The following TTLL5 variants were observed in gnomAD, a reference collection of about 807,000 sequenced individuals.
The protein encoded by TTLL5 is tubulin polyglutamylase TTLL5.
In TTLL5, 132 loss-of-function variants were observed where a neutral mutation model predicts 168.4. The observed-to-expected ratio is 0.78, with a 90% CI of 0.68 to 0.91. TTLL5 has a LOEUF of 0.91. TTLL5 is among the 40% of genes least tolerant of loss of function. The probability of loss-of-function intolerance (pLI) is 0.00; values close to 1 mark genes in which losing one functional copy is unlikely to be tolerated. For synonymous variants in TTLL5, 546 were observed against 558.6 expected (o/e 0.98, Z 0.32); for missense variants, 1,545 against 1,581.5 (o/e 0.98, Z 0.39).
At position 75,787,100 on chromosome 14, in the gene TTLL5, T is replaced by C. The variant is rs540732296; in HGVS notation, c.2986+3570T>C. On this transcript the variant is annotated intron_variant, in intron 26 of 31. Coordinates refer to ENST00000298832, the MANE Select transcript of TTLL5 (RefSeq NM_015072.5). ...GTGAGCCAAGATCACACCACTGCAC[T>C]CCAGCCTGGGCACAGAGCAAGACTC... Among the ~76,000 whole-genome samples the C allele has an allele frequency of 2.0e-5, 3 of 152,154 alleles. No homozygotes were observed. The South Asian group carries it at 6.2e-4, about 32-fold the overall frequency.
intron 28 of TTLL5, among the ~76,000 whole-genome samples, chr14:75,842,951 T>G (rs1347483978): frequency 6.6e-6 from 1 of 152,166 alleles, no homozygotes; most frequent in Non-Finnish European, 1.5e-5. Context: ...TCAGTGCCCT[T>G]TTTGCCTCCA....
intron 27 of TTLL5, among the ~76,000 whole-genome samples, chr14:75,816,379 C>T (rs1894396063): frequency 6.6e-6 from 1 of 152,144 alleles, no homozygotes; most frequent in Admixed American, 6.5e-5. Context: ...AAGATTACGC[C>T]ACTGCACTCC....
At chr14:75,896,700 C>CT (rs1424328370) in intron 30 of TTLL5, among the ~76,000 whole-genome samples, 1 of 152,088 alleles carries the variant, frequency 6.6e-6, no homozygotes, top group Non-Finnish European at 1.5e-5. Flanking sequence ...CAAAACAGAC[C>CT]TTAAAGAAAG....
At chr14:75,832,346 C>A (rs1306186408) in intron 28 of TTLL5, among the ~76,000 whole-genome samples, 1 of 152,216 alleles carries the variant, frequency 6.6e-6, no homozygotes, top group Non-Finnish European at 1.5e-5. Context: ...TCACCTGAAG[C>A]CTTTCCCAAT....
chr14:75,865,217 C>G (rs544984405), intron 29 of TTLL5, among the ~76,000 whole-genome samples: 16 of 150,824 alleles, frequency 1.1e-4, no homozygotes, highest in African/African-American at 3.9e-4. Flanking sequence ...CACATTTAAG[C>G]CAGTTTGCAT....
intron 14 of TTLL5, 119 bp from the exon 15 acceptor site, chr14:75,735,076 A>C: frequency 2.3e-6 from 2 of 853,524 alleles, no homozygotes; most frequent in Non-Finnish European, 3.9e-6. Flanking sequence ...TCCTGAGGAT[A>C]GATCTCTGTG....
intron 7 of TTLL5, among the ~76,000 whole-genome samples, chr14:75,705,517 C>T (rs1008857954): frequency 1.3e-5 from 2 of 152,180 alleles, no homozygotes; most frequent in Non-Finnish European, 2.9e-5. Flanking sequence ...GATTCCGTTG[C>T]TGCTCTATTG....
chr14:75,771,061 CATT>C (rs1012385580), intron 20 of TTLL5, among the ~76,000 whole-genome samples: 39 of 152,158 alleles, frequency 2.6e-4, no homozygotes, highest in African/African-American at 9.4e-4. Flanking sequence ...AACATTTTCT[CATT>C]AATACAGTGG....
intron 9 of TTLL5, chr14:75,710,439 A>ACACAC (rs1566823395): frequency 7.5e-5 from 10 of 133,280 alleles, no homozygotes; most frequent in South Asian, 2.4e-4. Context: ...CACACACACA[A>ACACAC]TGGATGTTTT....
At position 75,678,572 on chromosome 14, in the gene TTLL5, CT is replaced by C. The variant is rs551194822; in HGVS notation, c.182-2964del. ...GTCTACTGTACAGCCATTTCCTAGA[CT>C]TTTTTTTTGTCTTCCATGACATTGA... is the stretch of plus-strand genomic sequence containing the variant. On this transcript the variant is annotated intron_variant, in intron 3 of 31. Transcript: ENST00000298832. 5.3e-5 allele frequency among the ~76,000 whole-genome samples: 8 copies of C among 151,554 alleles called. No homozygotes were observed. In the East Asian group the frequency reaches 7.7e-4, roughly 15 times the overall value.
chr14:75,721,137 G>A (rs1024798552), intron 12 of TTLL5, among the ~76,000 whole-genome samples: 1 of 151,986 alleles, frequency 6.6e-6, no homozygotes, highest in Non-Finnish European at 1.5e-5. Flanking sequence ...TTTCTAGTGT[G>A]TTCCTCCCCC....
chr14:75,689,965 CA>C (rs1885329982), intron 5 of TTLL5: 2 of 430,234 alleles, frequency 4.6e-6, no homozygotes, highest in African/African-American at 2.1e-5. Context: ...TTAAAAAGGG[CA>C]AATTTTACTG....
intron 19 of TTLL5, 94 bp downstream of exon 19, chr14:75,764,866 C>T (rs1283301002): frequency 1.4e-6 from 2 of 1,423,534 alleles, no homozygotes; most frequent in Non-Finnish European, 1.9e-6. Context: ...GAGTCAGAAT[C>T]TTCCTGATCA....
intron 12 of TTLL5, among the ~76,000 whole-genome samples, chr14:75,730,988 G>A (rs1888496985): frequency 6.6e-6 from 1 of 152,154 alleles, no homozygotes; most frequent in Non-Finnish European, 1.5e-5. Context: ...AAAGTGCTGG[G>A]ATTACAGGCA....
intron 12 of TTLL5, among the ~76,000 whole-genome samples, chr14:75,730,661 T>C (rs747112115): frequency 7.2e-5 from 11 of 152,048 alleles, no homozygotes; most frequent in Non-Finnish European, 1.6e-4. Context: ...GCCAAAGAAA[T>C]CTCAGAGAGA....
At chr14:75,755,492 C>G (rs1032613467) in intron 18 of TTLL5, among the ~76,000 whole-genome samples, 1 of 152,068 alleles carries the variant, frequency 6.6e-6, no homozygotes, top group African/African-American at 2.4e-5. Context: ...TGTCCTTCCT[C>G]CTCTATCCTA....
At chr14:75,813,909 G>A (rs780039363) in intron 27 of TTLL5, among the ~76,000 whole-genome samples, 22 of 150,918 alleles carry the variant, frequency 1.5e-4, no homozygotes, top group Non-Finnish European at 2.5e-4. Flanking sequence ...ACATGAATTC[G>A]TAGGTTGGCA....
At chr14:75,901,667 C>A (rs765995465) in intron 30 of TTLL5, among the ~76,000 whole-genome samples, 11 of 152,194 alleles carry the variant, frequency 7.2e-5, no homozygotes, top group Non-Finnish European at 1.3e-4. Context: ...GTTGGGTGTC[C>A]CTGGTTGGCT....
At chr14:75,830,225 GAAAAAC>G (rs769798544) in intron 28 of TTLL5, among the ~76,000 whole-genome samples, 9 of 152,076 alleles carry the variant, frequency 5.9e-5, no homozygotes, top group Non-Finnish European at 8.8e-5. Context: ...ACCACAATGT[GAAAAAC>G]AAAAACAAAA....
Sources: gnomAD v4.1 joint callset for allele counts (sites outside exome capture counted in the v4.1 genomes callset) on GRCh38, gnomAD v4.1.1 for gene constraint, MANE v1.5 for transcripts, NCBI Gene and HGNC (gene_info 2026-07-23, HGNC 2026-07-21) for gene names.